TBC1D8: variants seen among roughly 807,000 people sequenced by gnomAD.
The protein encoded by TBC1D8 is BUB2-like protein 1.
In TBC1D8, 65 loss-of-function variants were observed where a neutral mutation model predicts 118.8. That is an observed-to-expected ratio of 0.55 (90% CI 0.45 to 0.67). The LOEUF is 0.67. Among genes scored for constraint, TBC1D8 ranks in the 30% least tolerant of loss-of-function variants. TBC1D8 has a pLI of 0.00. For synonymous variants in TBC1D8, 566 were observed against 595.8 expected (o/e 0.95, Z 0.73); for missense variants, 1,376 against 1,471.2 (o/e 0.94, Z 1.06).
chr2:101,024,651 C>T (rs928430517), intron 15 of TBC1D8, among the ~76,000 whole-genome samples: 5 of 152,120 alleles, frequency 3.3e-5, no homozygotes, highest in East Asian at 1.9e-4. Context: ...AAGTGATCCA[C>T]CCGCACTGGC....
At chr2:101,050,699 T>G in intron 4 of TBC1D8, 58 bp from the exon 5 acceptor site, 1 of 1,582,772 alleles carries the variant, frequency 6.3e-7, no homozygotes, top group Admixed American at 1.7e-5. Context: ...CAAACTTGAG[T>G]GTGTCAGCAA....
At position 101,033,577 on chromosome 2, in the gene TBC1D8, A is replaced by G; in HGVS notation, c.1785T>C (p.Tyr595=). 1 of 1,613,906 alleles carries G rather than the reference A, an allele frequency of 6.2e-7. No homozygotes were observed. The highest frequency in any genetic ancestry group is 1.3e-5 in the African/African-American group (1 of 75,020). The change falls in exon 10 of 20, where the codon TAT becomes TAC. Residue 595 remains tyrosine (Y), a synonymous_variant. Transcript: ENST00000409318. ...IAALRRVLTA[Y]AHRNPKIGYC... ...ATCCAATCTTGGGGTTCCGGTGGGC[A>G]TAGGCCGTCAAGACTCTCCTCAAAG... is the stretch of plus-strand genomic sequence containing the variant.
chr2:101,092,873 A>G (rs1676131808), intron 1 of TBC1D8, among the ~76,000 whole-genome samples: 1 of 152,102 alleles, frequency 6.6e-6, no homozygotes, highest in Non-Finnish European at 1.5e-5. Flanking sequence ...CAGTGTACAG[A>G]GCCAGGAAAT....
intron 1 of TBC1D8, 117 bp from the exon 2 acceptor site, chr2:101,090,481 A>T (rs2105457264): frequency 1.8e-6 from 2 of 1,104,684 alleles, no homozygotes; most frequent in East Asian, 5.1e-5. Flanking sequence ...AGACAGTTTT[A>T]CATCCAGTTC....
chr2:101,021,787 A>C, intron 16 of TBC1D8, 41 bp from the exon 17 acceptor site: 1 of 1,308,762 alleles, frequency 7.6e-7, no homozygotes, highest in Middle Eastern at 1.8e-4. Flanking sequence ...GCCAATGCTG[A>C]AAGTCCATTT....
chr2:101,069,930 T>C (rs1021149902), intron 2 of TBC1D8, among the ~76,000 whole-genome samples: 65 of 152,186 alleles, frequency 4.3e-4, no homozygotes, highest in African/African-American at 1.6e-3. Context: ...TTTTTTTTTT[T>C]TTCACACGGA....
At chr2:101,063,196 G>A (rs1278686416) in intron 2 of TBC1D8, among the ~76,000 whole-genome samples, 1 of 152,104 alleles carries the variant, frequency 6.6e-6, no homozygotes, top group Non-Finnish European at 1.5e-5. Flanking sequence ...TTTAGATAAC[G>A]TGAATAAATT....
intron 1 of TBC1D8, among the ~76,000 whole-genome samples, chr2:101,146,953 A>T (rs2104288633): frequency 6.6e-6 from 1 of 152,330 alleles, no homozygotes; most frequent in East Asian, 1.9e-4. Flanking sequence ...GGGATCATGC[A>T]GTATTTGTCT....
chr2:101,135,014 A>G (rs945133819), intron 1 of TBC1D8, among the ~76,000 whole-genome samples: 1 of 152,158 alleles, frequency 6.6e-6, no homozygotes, highest in African/African-American at 2.4e-5. Context: ...TCTACTAAAA[A>G]TACAATAATT....
intron 5 of TBC1D8, among the ~76,000 whole-genome samples, chr2:101,043,092 C>T (rs1681481776): frequency 6.6e-6 from 1 of 152,210 alleles, no homozygotes; most frequent in African/African-American, 2.4e-5. Flanking sequence ...CAGAGAAAGT[C>T]CTCTGGACAC....
intron 15 of TBC1D8, among the ~76,000 whole-genome samples, chr2:101,025,877 C>A (rs1680309332): frequency 6.6e-6 from 1 of 152,202 alleles, no homozygotes; most frequent in South Asian, 2.1e-4. Flanking sequence ...AGTAATGAAG[C>A]TGTTCTCAAT....
At chr2:101,058,823 AT>A (rs1039567309) in intron 3 of TBC1D8, among the ~76,000 whole-genome samples, 7 of 150,904 alleles carry the variant, frequency 4.6e-5, no homozygotes, top group Middle Eastern at 3.5e-3. Flanking sequence ...TCTTAACACT[AT>A]TTTTTTTTCC....
intron 1 of TBC1D8, among the ~76,000 whole-genome samples, chr2:101,126,451 A>T: frequency 6.6e-6 from 1 of 152,144 alleles, no homozygotes; most frequent in East Asian, 1.9e-4. Flanking sequence ...CCATAAGCAA[A>T]TCTTGGGTGA....
chr2:101,034,526 C>T (rs1208788819), intron 9 of TBC1D8, among the ~76,000 whole-genome samples: 5 of 152,232 alleles, frequency 3.3e-5, no homozygotes, highest in Non-Finnish European at 7.3e-5. Flanking sequence ...GTGCCAGCCA[C>T]CCACAGCCAG....
intron 19 of TBC1D8, among the ~76,000 whole-genome samples, chr2:101,010,553 G>T (rs575756286): frequency 1.3e-5 from 2 of 151,600 alleles, no homozygotes; most frequent in East Asian, 3.9e-4. Context: ...CAGGTAAAGG[G>T]GCCCAAGCTT....
chr2:101,141,651 A>C (rs1282447094), intron 1 of TBC1D8, among the ~76,000 whole-genome samples: 1 of 152,180 alleles, frequency 6.6e-6, no homozygotes, highest in East Asian at 1.9e-4. Context: ...TAAATTAATT[A>C]ATTAAAACAA....
chr2:101,140,413 A>C (rs545811178), intron 1 of TBC1D8, among the ~76,000 whole-genome samples: 27 of 152,332 alleles, frequency 1.8e-4, no homozygotes, highest in African/African-American at 6.5e-4. Context: ...AATATAGCAC[A>C]CTGAGAGGAC....
chr2:101,132,315 T>C (rs1042805035), intron 1 of TBC1D8, among the ~76,000 whole-genome samples: 3 of 152,216 alleles, frequency 2.0e-5, no homozygotes, highest in African/African-American at 7.2e-5. Flanking sequence ...GACACTGTCC[T>C]ACACAAAAGA....
At chr2:101,019,916 CA>C (rs1291650535) in intron 17 of TBC1D8, among the ~76,000 whole-genome samples, 1 of 150,582 alleles carries the variant, frequency 6.6e-6, no homozygotes, top group Non-Finnish European at 1.5e-5. Flanking sequence ...AAAAAAAATA[CA>C]AAAAATTAGC....
Sources: gnomAD v4.1 joint callset for allele counts (sites outside exome capture counted in the v4.1 genomes callset) on GRCh38, gnomAD v4.1.1 for gene constraint, MANE v1.5 for transcripts, NCBI Gene and HGNC (gene_info 2026-07-23, HGNC 2026-07-21) for gene names.